The following PRKAA2 variants were observed in gnomAD, a reference collection of about 807,000 sequenced individuals.
PRKAA2 encodes 5'-AMP-activated protein kinase catalytic subunit alpha-2.
Under a neutral mutation model 56.3 loss-of-function variants are expected in PRKAA2, and 40 were observed. That is an observed-to-expected ratio of 0.71 (90% CI 0.55 to 0.92). The LOEUF is 0.92. Ranked by LOEUF, PRKAA2 falls within the 40% of genes least tolerant of loss-of-function variation. The probability of loss-of-function intolerance (pLI) is 0.00; values close to 1 mark genes in which losing one functional copy is unlikely to be tolerated. For synonymous variants in PRKAA2, 214 were observed against 234.2 expected (o/e 0.91, Z 0.79); for missense variants, 542 against 686.9 (o/e 0.79, Z 2.36).
rs887408208 is a variant in PRKAA2, at chr1:56,687,108, T to A, written c.237-4286T>A. On this transcript the variant is annotated intron_variant, in intron 2 of 8. Transcript: ENST00000371244. ...CATGTTGGTCAGGCTGGTCTCAGAC[T>A]CTCGACCTCAGGTGATTCACCTGTC... Among the ~76,000 whole-genome samples, 8 of 152,060 alleles carry A rather than the reference T, an allele frequency of 5.3e-5. No individual in the cohort carries two copies. The East Asian group carries it at 1.5e-3, about 29-fold the overall frequency.
chr1:56,652,705 A>G (rs1278763819), intron 1 of PRKAA2, among the ~76,000 whole-genome samples: 6 of 152,226 alleles, frequency 3.9e-5, no homozygotes, highest in African/African-American at 1.4e-4. Context: ...GTTGAGGTAT[A>G]TAAAATGGCT....
At chr1:56,677,736 A>G (rs1411440564) in intron 2 of PRKAA2, among the ~76,000 whole-genome samples, 1 of 150,928 alleles carries the variant, frequency 6.6e-6, no homozygotes, top group African/African-American at 2.4e-5. Context: ...GGCTCACTGC[A>G]ACCTTCGCTT....
intron 1 of PRKAA2, among the ~76,000 whole-genome samples, chr1:56,666,452 G>A (rs1264203214): frequency 2.0e-5 from 3 of 152,164 alleles, no homozygotes; most frequent in Non-Finnish European, 2.9e-5. Flanking sequence ...GCTAGTTAGG[G>A]AATGCTTACT....
intron 2 of PRKAA2, among the ~76,000 whole-genome samples, chr1:56,682,417 T>C (rs1230063039): frequency 6.6e-6 from 1 of 152,086 alleles, no homozygotes; most frequent in African/African-American, 2.4e-5. Context: ...CATGTGAAAA[T>C]CTGGGGACAG....
intron 2 of PRKAA2, among the ~76,000 whole-genome samples, chr1:56,686,987 C>G (rs141155345): frequency 2.0e-5 from 3 of 151,180 alleles, no homozygotes; most frequent in African/African-American, 2.4e-5. Context: ...CAGGTTCAAG[C>G]GATTCTCGTA....
At chr1:56,671,304 T>G (rs1485790318) in intron 1 of PRKAA2, 1 of 152,184 alleles carries the variant, frequency 6.6e-6, no homozygotes, top group Non-Finnish European at 1.5e-5. Context: ...TGCTAGTTAT[T>G]TCATTGAGGC....
chr1:56,705,074 C>A (rs1644322665), intron 7 of PRKAA2, among the ~76,000 whole-genome samples: 1 of 152,010 alleles, frequency 6.6e-6, no homozygotes, highest in African/African-American at 2.4e-5. Context: ...TGGGGAGGGG[C>A]ATTTTTTCTT....
intron 1 of PRKAA2, among the ~76,000 whole-genome samples, chr1:56,672,325 C>T (rs1378002424): frequency 1.3e-5 from 2 of 152,106 alleles, no homozygotes; most frequent in African/African-American, 2.4e-5. Context: ...CCATGTTGCC[C>T]AGGCTGGTCT....
intron 6 of PRKAA2, among the ~76,000 whole-genome samples, chr1:56,703,443 C>T (rs530710037): frequency 6.6e-6 from 1 of 152,260 alleles, no homozygotes; most frequent in East Asian, 1.9e-4. Context: ...TTCATTCAAT[C>T]TGTTGCACTA....
Position 56,674,650 on chromosome 1 carries a change from G to A in PRKAA2, c.236+128G>A, listed in dbSNP as rs1569745792. On this transcript the variant is annotated intron_variant, in intron 2 of 8. Transcript: ENST00000371244. ...TTTTTCATGTTCATATTCAGCAAGT[G>A]TTAATTCATTTAACCTTTATCAGTC... 4.1e-5 allele frequency: 32 copies of A among 773,218 alleles called. 1 individual carries two copies. In the South Asian group the frequency reaches 7.5e-4, roughly 18 times the overall value. The allele number at this position is 773,218 out of a possible 1,614,324, so 47.9% of individuals were successfully genotyped here.
intron 2 of PRKAA2, among the ~76,000 whole-genome samples, chr1:56,677,489 C>T (rs1210685694): frequency 6.6e-6 from 1 of 152,108 alleles, no homozygotes; most frequent in African/African-American, 2.4e-5. Context: ...ATACCTTGAC[C>T]TCATCACTTT....
intron 2 of PRKAA2, among the ~76,000 whole-genome samples, chr1:56,685,432 G>T (rs933083204): frequency 2.0e-5 from 3 of 152,082 alleles, no homozygotes; most frequent in African/African-American, 7.2e-5. Flanking sequence ...AGGAAGTTTT[G>T]GGTAAGAATT....
rs769986654 is a variant in PRKAA2, at chr1:56,696,173, T to C, written c.788+14T>C. The stretch of plus-strand genomic sequence containing the variant: ...CAAAGACATAAGGTGATTTTTCTTT[T>C]TGTTTCTGTTCTGCATATTTTCTCA... On this transcript the variant is annotated intron_variant, in intron 6 of 8. Transcript: ENST00000371244. 5 of 1,589,860 alleles carry C rather than the reference T, an allele frequency of 3.1e-6. No individual in the cohort carries two copies. The East Asian group carries it at 1.1e-4, about 36-fold the overall frequency.
chr1:56,710,691 T>C lies in PRKAA2; in HGVS notation c.*2978T>C, dbSNP rs1419320774. On this transcript the variant is annotated 3_prime_UTR_variant, in exon 9 of 9. Coordinates refer to ENST00000371244, the MANE Select transcript of PRKAA2 (RefSeq NM_006252.4). ...GAATTTTCTGTGTCTGCAACTTGTT[T>C]CATGACACCTTGGTTTTCTTAATCA... 6.6e-6 allele frequency: 1 copy of C among 152,132 alleles called. No individual in the cohort carries two copies. Among genetic ancestry groups the C allele is most frequent in the African/African-American group, 2.4e-5 (1 of 41,438 alleles). The allele number at this position is 152,132 out of a possible 1,614,324, so 9.4% of individuals were successfully genotyped here.
chr1:56,695,261 TCTCAG>T (rs1335387076), intron 5 of PRKAA2, among the ~76,000 whole-genome samples: 1 of 151,252 alleles, frequency 6.6e-6, no homozygotes, highest in Non-Finnish European at 1.5e-5. Flanking sequence ...AGTGGCACAA[TCTCAG>T]CTCACTGTAC....
chr1:56,648,304 C>T (rs1289144068), intron 1 of PRKAA2, among the ~76,000 whole-genome samples: 1 of 152,170 alleles, frequency 6.6e-6, no homozygotes, highest in Non-Finnish European at 1.5e-5. Context: ...TCTTCATAAA[C>T]GTGATCGTTC....
intron 1 of PRKAA2, among the ~76,000 whole-genome samples, chr1:56,674,008 G>A (rs1286524688): frequency 6.6e-6 from 1 of 152,004 alleles, no homozygotes; most frequent in Non-Finnish European, 1.5e-5. Flanking sequence ...ACAATGACTG[G>A]CATTAAACAG....
chr1:56,663,204 GC>G (rs747003872), intron 1 of PRKAA2, among the ~76,000 whole-genome samples: 26 of 152,142 alleles, frequency 1.7e-4, no homozygotes, highest in Non-Finnish European at 2.2e-4. Flanking sequence ...TCTTGTTTCA[GC>G]CCCCTGAGTA....
intron 2 of PRKAA2, among the ~76,000 whole-genome samples, chr1:56,678,927 T>C (rs1569753848): frequency 1.3e-5 from 2 of 152,080 alleles, no homozygotes. Flanking sequence ...ATCTCTTGAC[T>C]TCGTGATCTG....
Sources: allele counts gnomAD v4.1 joint callset (sites outside exome capture counted in the v4.1 genomes callset), GRCh38; gene constraint gnomAD v4.1.1; transcripts MANE v1.5; gene names NCBI Gene and HGNC (gene_info 2026-07-23, HGNC 2026-07-21).